The following MYH11 variants were observed in gnomAD, a reference collection of about 807,000 sequenced individuals.
MYH11 encodes myosin-11.
A neutral mutation model predicts 246.6 loss-of-function variants in MYH11; 80 were observed. The observed-to-expected ratio is 0.32, with a 90% CI of 0.27 to 0.39. The LOEUF (loss-of-function observed/expected upper bound fraction) is 0.39, where lower values mean the gene tolerates loss of function less well. Ranked by LOEUF, MYH11 falls within the 10% of genes least tolerant of loss-of-function variation. The pLI is 1.00. For synonymous variants in MYH11, 1,071 were observed against 1,015.5 expected (o/e 1.05, Z -1.04); for missense variants, 2,158 against 2,546.8 (o/e 0.85, Z 3.29).
chr16:15,826,453 G>T (rs192793753), intron 2 of MYH11, among the ~76,000 whole-genome samples: 1 of 152,216 alleles, frequency 6.6e-6, no homozygotes, highest in Non-Finnish European at 1.5e-5. Flanking sequence ...GCTGGGCATG[G>T]TGGCATTCAC....
In MYH11 at chr16:15,724,381, TC is replaced by T; in HGVS notation, c.4144del (p.Asp1382ThrfsTer76). The T allele has an allele frequency of 6.2e-7, 1 of 1,614,058 alleles. No homozygotes were observed. Among genetic ancestry groups the T allele is most frequent in the Non-Finnish European group, 8.5e-7 (1 of 1,180,026 alleles). ...CAGAGCTTCCACGGTGCTGGCAAAGTCCTGCAGCTTCTTCTTCGAGTCGGAG... is the reference window on the plus strand; with the variant it reads ...CAGAGCTTCCACGGTGCTGGCAAAGTCTGCAGCTTCTTCTTCGAGTCGGAG... ...QLSDSKKKLQDFASTVEALEE... is the reference protein window; with the variant it reads ...QLSDSKKKLQXFASTVEALEE... On this transcript the variant is annotated frameshift_variant, in exon 31 of 41. Transcript: ENST00000300036. LOFTEE classifies it high-confidence loss of function.
chr16:15,755,853 A>C (rs1373593327), intron 14 of MYH11, among the ~76,000 whole-genome samples: 1 of 152,034 alleles, frequency 6.6e-6, no homozygotes, highest in Non-Finnish European at 1.5e-5. Flanking sequence ...AATCTCTTGA[A>C]CCCGGAGGGA....
chr16:15,804,384 C>T (rs557346622), intron 3 of MYH11, among the ~76,000 whole-genome samples: 4 of 152,056 alleles, frequency 2.6e-5, no homozygotes, highest in South Asian at 4.2e-4. Flanking sequence ...TAGCTGGGCG[C>T]GGTGGTGCAC....
intron 8 of MYH11, among the ~76,000 whole-genome samples, chr16:15,772,194 C>T (rs375858228): frequency 2.1e-5 from 3 of 144,996 alleles, no homozygotes; most frequent in East Asian, 4.0e-4. Context: ...CAGGTTCAAG[C>T]GATTCTCCTG....
chr16:15,763,736 T>TCTGCTGGGGGGCCCCCCCCCC, intron 10 of MYH11, 60 bp downstream of exon 10: 1 of 776,510 alleles, frequency 1.3e-6, no homozygotes, highest in Non-Finnish European at 2.4e-6. Context: ...TGGTTAAATG[T>TCTGCTGGGGGGCCCCCCCCCC]CACCTCCCCC....
chr16:15,843,695 G>A (rs537646635), intron 1 of MYH11, among the ~76,000 whole-genome samples: 3 of 101,764 alleles, frequency 2.9e-5, no homozygotes, highest in African/African-American at 3.1e-5. Context: ...GTGAGACTCC[G>A]TCTCAAAAAA....
intron 3 of MYH11, among the ~76,000 whole-genome samples, chr16:15,813,909 C>G (rs1420473155): frequency 1.3e-5 from 2 of 151,694 alleles, no homozygotes; most frequent in Admixed American, 1.3e-4. Flanking sequence ...AATCCCAGCA[C>G]TTTGGGAGGC....
intron 3 of MYH11, among the ~76,000 whole-genome samples, chr16:15,809,405 G>A (rs2043089140): frequency 6.6e-6 from 1 of 151,588 alleles, no homozygotes; most frequent in East Asian, 1.9e-4. Context: ...GATGATCTGT[G>A]CCTGTGGTCC....
chr16:15,750,213 C>T lies in MYH11; in HGVS notation c.1983G>A (p.Leu661=), dbSNP rs1001920915. The change falls in exon 16 of 41, where the codon CTG becomes CTA. Residue 661 remains leucine (L), a synonymous_variant. Coordinates refer to ENST00000300036, the MANE Select transcript of MYH11 (RefSeq NM_002474.3). The surrounding 1 kb of genome is among the most constrained non-coding windows in gnomAD (Gnocchi z 4.3). ...RTVGQLYKEQ[L]GKLMTTLRNT... is the part of the protein sequence containing the mutation. The stretch of plus-strand genomic sequence containing the variant: ...TGCGTAGCGTGGTCATCAGCTTGCC[C>T]AGCTGCTCCTTGTACAGCTGCCCCA... 6 of 1,614,226 alleles carry T rather than the reference C, an allele frequency of 3.7e-6. No homozygotes were observed. Among genetic ancestry groups the T allele is most frequent in the Non-Finnish European group, 4.2e-6 (5 of 1,180,046 alleles).
At position 15,715,039 on chromosome 16, in the gene MYH11, G is replaced by A; in HGVS notation, c.5656C>T (p.Leu1886=). The A allele has an allele frequency of 1.2e-6, 2 of 1,613,718 alleles. No individual in the cohort carries two copies. The highest frequency in any genetic ancestry group is 1.7e-6 in the Non-Finnish European group (2 of 1,180,018). ...TGGGACTCCTCCTCTGCCTCCTCCA[G>A]CTGCCTCTTGAGCTGCTTGACCCTG... is the stretch of plus-strand genomic sequence containing the variant. The part of the protein sequence containing the change: ...NARVKQLKRQ[L]EEAEEESQRI... Residue 1886 remains leucine, a synonymous_variant, in exon 40 of 41, where the codon CTG becomes TTG. Transcript: ENST00000300036.
intron 5 of MYH11, chr16:15,784,799 CT>C: frequency 2.0e-6 from 3 of 1,532,128 alleles, no homozygotes; most frequent in Non-Finnish European, 2.7e-6. Context: ...GAATATATGA[CT>C]TTGATCCCCC....
chr16:15,855,260 C>T (rs1186178401), intron 1 of MYH11, among the ~76,000 whole-genome samples: 5 of 152,346 alleles, frequency 3.3e-5, no homozygotes, highest in African/African-American at 1.2e-4. Flanking sequence ...CCTAGGGTCA[C>T]TGGTTTCAGC....
chr16:15,825,203 G>A (rs2043527220), intron 2 of MYH11, among the ~76,000 whole-genome samples: 1 of 152,068 alleles, frequency 6.6e-6, no homozygotes, highest in South Asian at 2.1e-4. Flanking sequence ...GGAAAGAGGT[G>A]GGAAATGAGG....
intron 28 of MYH11, chr16:15,725,286 AC>A (rs2040699098): frequency 3.4e-6 from 2 of 580,636 alleles, no homozygotes; most frequent in Non-Finnish European, 6.1e-6. Context: ...ACCTGATCCC[AC>A]TAAATGGATC....
chr16:15,723,361 T>C lies in MYH11; in HGVS notation c.4365+800A>G, dbSNP rs371798972. Among the ~76,000 whole-genome samples, 94 of 152,158 alleles carry C rather than the reference T, an allele frequency of 6.2e-4. 4 individuals carry two copies. The South Asian group carries it at 0.019, about 31-fold the overall frequency. On this transcript the variant is annotated intron_variant, in intron 31 of 40. Transcript: ENST00000300036. The stretch of plus-strand genomic sequence containing the variant: ...TAGAATTAGTCTTTATAAATAAATA[T>C]GTGGGCCGGGCATAGTGGCTCATAC...
intron 6 of MYH11, 115 bp downstream of exon 6, chr16:15,782,270 C>G (rs2042373240): frequency 1.2e-6 from 1 of 832,438 alleles, no homozygotes; most frequent in African/African-American, 1.7e-5. Flanking sequence ...TGAGATACAG[C>G]CCATCTCTCC....
chr16:15,841,303 A>G (rs1011503130), intron 1 of MYH11, among the ~76,000 whole-genome samples: 1 of 152,044 alleles, frequency 6.6e-6, no homozygotes, highest in Non-Finnish European at 1.5e-5. Flanking sequence ...ACACCCAGCT[A>G]ATTTTTGTAT....
chr16:15,791,979 T>C (rs1567178334), intron 4 of MYH11: 1 of 152,214 alleles, frequency 6.6e-6, no homozygotes, highest in Admixed American at 6.5e-5. Flanking sequence ...TGACCTTTTA[T>C]ATGATTCTTA....
intron 4 of MYH11, among the ~76,000 whole-genome samples, chr16:15,788,690 C>A (rs994519728): frequency 6.6e-6 from 1 of 152,098 alleles, no homozygotes. Flanking sequence ...AGAGGCCTTC[C>A]TTCCCAATGG....
Sources: allele counts gnomAD v4.1 joint callset (sites outside exome capture counted in the v4.1 genomes callset), GRCh38; gene constraint gnomAD v4.1.1; non-coding constraint Gnocchi (gnomAD v3.1); transcripts MANE v1.5; gene names NCBI Gene and HGNC (gene_info 2026-07-23, HGNC 2026-07-21).